ZNF708: variants seen among roughly 807,000 people sequenced by gnomAD.
ZNF708 encodes the protein zinc finger protein 708.
ZNF708 carries 44 observed loss-of-function variants against 47.0 expected under a neutral mutation model. That is an observed-to-expected ratio of 0.94 (90% CI 0.74 to 1.20). The LOEUF is 1.20. Ranked by LOEUF, ZNF708 falls within the 50% of genes most tolerant of loss-of-function variation. The pLI, the probability that ZNF708 is intolerant of heterozygous loss-of-function variation, is 0.00. For missense variants in ZNF708, 557 were observed against 656.0 expected, an observed-to-expected ratio of 0.85 and a Z score of 1.65; for synonymous variants, 184 against 218.5, an observed-to-expected ratio of 0.84 and a Z score of 1.39.
At chr19:21,308,766 G>A (rs1480823779) in intron 3 of ZNF708, among the ~76,000 whole-genome samples, 1 of 151,956 alleles carries the variant, frequency 6.6e-6, no homozygotes, top group East Asian at 1.9e-4. Context: ...AGAACAAAGT[G>A]AACATCATAC....
At chr19:21,303,247 AT>A (rs2145159108) in intron 3 of ZNF708, among the ~76,000 whole-genome samples, 1 of 152,276 alleles carries the variant, frequency 6.6e-6, no homozygotes, top group African/African-American at 2.4e-5. Context: ...GTGAAACCCT[AT>A]TTCAAAACTG....
chr19:21,317,659 G>T (rs1462323148), intron 1 of ZNF708, among the ~76,000 whole-genome samples: 1 of 152,174 alleles, frequency 6.6e-6, no homozygotes, highest in Non-Finnish European at 1.5e-5. Flanking sequence ...AATGTGACAT[G>T]CATCACAATC....
intron 3 of ZNF708, among the ~76,000 whole-genome samples, chr19:21,305,506 G>A (rs1972744239): frequency 1.3e-5 from 2 of 150,846 alleles, no homozygotes; most frequent in Non-Finnish European, 2.9e-5. Context: ...CTGGAGTGCA[G>A]TGGCTGTAGT....
Position 21,294,092 on chromosome 19 carries a change from A to G in ZNF708, c.874T>C (p.Ser292Pro). The change falls in exon 4 of 4, where the codon TCC becomes CCC. Residue 292 changes from serine (S) to proline (P), a missense_variant. Transcript: ENST00000356929. ...TTCTTGTGATTAGTAAGGTTTGAGG[A>G]CTGTTTAAAAGCTTTGCCACATTCT... ...CEECGKAFKQ[S>P]SNLTNHKKIH... 1 of 1,613,260 alleles carries G rather than the reference A, an allele frequency of 6.2e-7. No individual in the cohort carries two copies. The highest frequency in any genetic ancestry group is 1.1e-5 in the South Asian group (1 of 91,050).
rs142801757 is a variant in ZNF708 at position 21,307,672 on chromosome 19, A to G, written c.226+1574T>C. On this transcript the variant is annotated intron_variant, in intron 3 of 3. Coordinates refer to ENST00000356929, the MANE Select transcript of ZNF708 (RefSeq NM_021269.3). ...CTGAAATCAGTTTATCAGTTTATAAAAAGTTGAAGAGGCATTTGCATTTTC... is the reference window on the plus strand; with the variant it reads ...CTGAAATCAGTTTATCAGTTTATAAGAAGTTGAAGAGGCATTTGCATTTTC... 8.9e-3 allele frequency among the ~76,000 whole-genome samples: 1,353 copies of G among 152,264 alleles called. 19 individuals are homozygous for G. Among genetic ancestry groups the G allele is most frequent in the African/African-American group, 0.028 (1,179 of 41,562 alleles).
intron 1 of ZNF708, among the ~76,000 whole-genome samples, chr19:21,317,469 G>C (rs1973039792): frequency 6.6e-6 from 1 of 151,988 alleles, no homozygotes; most frequent in Admixed American, 6.6e-5. Context: ...GAGTTGACTG[G>C]AATCCTGAGA....
intron 3 of ZNF708, among the ~76,000 whole-genome samples, chr19:21,298,059 G>T (rs1972576971): frequency 6.6e-6 from 1 of 151,634 alleles, no homozygotes; most frequent in African/African-American, 2.4e-5. Context: ...CGGAATTGAA[G>T]AAACACACAG....
chr19:21,309,333 C>A lies in ZNF708; in HGVS notation c.139G>T (p.Val47Leu). 1 of 1,586,188 alleles carries A rather than the reference C, an allele frequency of 6.3e-7. No individual in the cohort carries two copies. The highest frequency in any genetic ancestry group is 8.6e-7 in the Non-Finnish European group (1 of 1,168,452). ...CAGGTGATCAGGTCTAAATTAGACA[C>A]AGCAATACCTGTTTTATTAAAAATA... ...YRNLVFLGIA[V>L]SNLDLITCLE... Residue 47 changes from valine (V) to leucine (L), a missense_variant, in exon 3 of 4, where the codon GTG becomes TTG. Val to Leu is a conservative substitution (Grantham distance 32). Transcript: ENST00000356929.
At chr19:21,307,119 T>TAAA in intron 3 of ZNF708, among the ~76,000 whole-genome samples, 1 of 133,660 alleles carries the variant, frequency 7.5e-6, no homozygotes, top group East Asian at 2.3e-4. Flanking sequence ...TAAAATAAAA[T>TAAA]ATAAAATAAA....
chr19:21,305,457 T>G (rs1391544439), intron 3 of ZNF708, among the ~76,000 whole-genome samples: 2 of 151,784 alleles, frequency 1.3e-5, no homozygotes, highest in Non-Finnish European at 2.9e-5. Context: ...ATTTTTTTAT[T>G]TTTATTTTTT....
chr19:21,313,379 CTAAG>C (rs1386552837), intron 1 of ZNF708, among the ~76,000 whole-genome samples: 4 of 151,610 alleles, frequency 2.6e-5, no homozygotes, highest in Admixed American at 6.6e-5. Context: ...CAAGTTGGTA[CTAAG>C]TGTTTAATAA....
rs1365596424 is a variant in ZNF708 at position 21,292,284 on chromosome 19, C to G, written c.*990G>C. 6.6e-6 allele frequency: 1 copy of G among 152,294 alleles called. No homozygotes were observed. Among genetic ancestry groups the G allele is most frequent in the Non-Finnish European group, 1.5e-5 (1 of 68,108 alleles). 9.4% of individuals were successfully genotyped at this position (152,294 alleles called of 1,614,324 possible). On this transcript the variant is annotated 3_prime_UTR_variant, in exon 4 of 4. Transcript: ENST00000356929. ...TGACCTCATGATCTGCCCACCTCAG[C>G]CTCCCAAAGTGCTGGCATTACAGGC...
intron 3 of ZNF708, among the ~76,000 whole-genome samples, chr19:21,298,785 T>C (rs1391737775): frequency 6.6e-6 from 1 of 152,208 alleles, no homozygotes; most frequent in Non-Finnish European, 1.5e-5. Context: ...TGCAGCACTG[T>C]TACTGAAAGC....
chr19:21,311,031 G>A (rs1233780648), intron 1 of ZNF708, among the ~76,000 whole-genome samples: 1 of 152,032 alleles, frequency 6.6e-6, no homozygotes, highest in African/African-American at 2.4e-5. Flanking sequence ...TCTTGTTAGT[G>A]GAGATTATTT....
intron 1 of ZNF708, among the ~76,000 whole-genome samples, chr19:21,312,710 A>T (rs528340400): frequency 6.6e-6 from 1 of 152,174 alleles, no homozygotes; most frequent in Admixed American, 6.5e-5. Flanking sequence ...AAATGTTTTA[A>T]ACAAGACCCC....
intron 2 of ZNF708, among the ~76,000 whole-genome samples, chr19:21,310,175 G>C (rs1007722102): frequency 2.0e-5 from 3 of 152,068 alleles, no homozygotes; most frequent in African/African-American, 2.4e-5. Context: ...TGCCGGGCAA[G>C]GTGGCTCACG....
At chr19:21,325,139 A>C (rs902627740) in intron 1 of ZNF708, among the ~76,000 whole-genome samples, 1 of 152,226 alleles carries the variant, frequency 6.6e-6, no homozygotes, top group Non-Finnish European at 1.5e-5. Context: ...AAATGACCAT[A>C]CTGCCAAAAG....
At chr19:21,311,383 CT>C (rs60692556) in intron 1 of ZNF708, among the ~76,000 whole-genome samples, 84,074 of 148,994 alleles carry the variant, frequency 0.56, 23,643 homozygotes, top group Middle Eastern at 0.69. Context: ...CTTATTTTGT[CT>C]TTTTTTTTTT....
At chr19:21,309,456 C>G in intron 2 of ZNF708, 115 bp from the exon 3 acceptor site, 1 of 1,028,186 alleles carries the variant, frequency 9.7e-7, no homozygotes, top group Non-Finnish European at 1.3e-6. Context: ...CCTGGTAATC[C>G]CAGCACTCTG....
Sources: allele counts gnomAD v4.1 joint callset (sites outside exome capture counted in the v4.1 genomes callset), GRCh38; gene constraint gnomAD v4.1.1; transcripts MANE v1.5; gene names NCBI Gene and HGNC (gene_info 2026-07-23, HGNC 2026-07-21).